Variants in MAD1L1 observed in about 807,000 individuals in gnomAD.
MAD1L1 encodes the protein mitotic arrest deficient 1 like 1, also known as mitotic spindle assembly checkpoint protein MAD1.
Under a neutral mutation model 96.9 loss-of-function variants are expected in MAD1L1, and 95 were observed. The observed-to-expected ratio is 0.98, with a 90% CI of 0.83 to 1.16. MAD1L1 has a LOEUF of 1.16. MAD1L1 is among the 50% of genes most tolerant of loss of function. MAD1L1 has a pLI of 0.00. For synonymous variants in MAD1L1, 473 were observed against 396.6 expected (o/e 1.19, Z -2.29); for missense variants, 1,007 against 954.4 (o/e 1.06, Z -0.73).
chr7:2,020,924 GA>G (rs796590173), intron 12 of MAD1L1, among the ~76,000 whole-genome samples: 2 of 150,240 alleles, frequency 1.3e-5, no homozygotes, highest in Non-Finnish European at 3.0e-5. Flanking sequence ...CATAAAAAAT[GA>G]AAAAAAACAA....
intron 10 of MAD1L1, among the ~76,000 whole-genome samples, chr7:2,172,883 G>T (rs1390631669): frequency 6.6e-6 from 1 of 152,238 alleles, no homozygotes; most frequent in Non-Finnish European, 1.5e-5. Context: ...TGGCTCCTGG[G>T]AGCGTGCACA....
intron 14 of MAD1L1, among the ~76,000 whole-genome samples, chr7:1,992,660 G>A (rs543458701): frequency 6.6e-6 from 1 of 152,330 alleles, no homozygotes; most frequent in South Asian, 2.1e-4. Context: ...GCCTCTCACT[G>A]TGGAAGTTAA....
At chr7:1,846,915 T>C (rs571212570) in intron 18 of MAD1L1, 2 of 289,412 alleles carry the variant, frequency 6.9e-6, no homozygotes, top group Admixed American at 1.0e-4. Context: ...TGCCAGCTCG[T>C]GGGGCTTGAA....
At chr7:1,863,548 C>G (rs1195335499) in intron 18 of MAD1L1, among the ~76,000 whole-genome samples, 1 of 152,246 alleles carries the variant, frequency 6.6e-6, no homozygotes, top group Non-Finnish European at 1.5e-5. Flanking sequence ...AGGCTGACCC[C>G]TGAGCAGCAC....
chr7:2,125,341 C>A (rs1788182238), intron 11 of MAD1L1, among the ~76,000 whole-genome samples: 1 of 152,148 alleles, frequency 6.6e-6, no homozygotes, highest in Non-Finnish European at 1.5e-5. Flanking sequence ...AAAGAGGACA[C>A]AAGCAGCAGC....
chr7:2,203,014 C>G (rs1474723884), intron 10 of MAD1L1, among the ~76,000 whole-genome samples: 1 of 152,234 alleles, frequency 6.6e-6, no homozygotes, highest in Non-Finnish European at 1.5e-5. Context: ...GGACTCTGAG[C>G]CAGCAATGCC....
chr7:2,023,252 G>A (rs1782862908), intron 12 of MAD1L1, among the ~76,000 whole-genome samples: 1 of 151,956 alleles, frequency 6.6e-6, no homozygotes, highest in Non-Finnish European at 1.5e-5. Flanking sequence ...AAACTCATAT[G>A]GAAAATTTAC....
intron 18 of MAD1L1, among the ~76,000 whole-genome samples, chr7:1,820,604 A>G (rs927857395): frequency 3.3e-5 from 5 of 151,908 alleles, no homozygotes; most frequent in African/African-American, 1.2e-4. Flanking sequence ...CCATCCCTAT[A>G]ATCAATCAGC....
intron 10 of MAD1L1, among the ~76,000 whole-genome samples, chr7:2,188,082 C>T (rs529001830): frequency 1.4e-4 from 21 of 152,236 alleles, no homozygotes; most frequent in South Asian, 4.1e-4. Context: ...TAATTCAGTG[C>T]GTCGATATTT....
chr7:1,816,737 G>GGACACC, intron 18 of MAD1L1, among the ~76,000 whole-genome samples: 1 of 152,172 alleles, frequency 6.6e-6, no homozygotes, highest in East Asian at 1.9e-4. Context: ...ACTGGAGAAC[G>GGACACC]GGCAAGGAGG....
At chr7:2,147,961 T>C (rs974403242) in intron 11 of MAD1L1, among the ~76,000 whole-genome samples, 1 of 152,264 alleles carries the variant, frequency 6.6e-6, no homozygotes, top group Non-Finnish European at 1.5e-5. Context: ...TAATAGTTCA[T>C]TCTGTTTCAT....
intron 18 of MAD1L1, among the ~76,000 whole-genome samples, chr7:1,882,639 G>A (rs1027687193): frequency 2.8e-4 from 42 of 152,186 alleles, no homozygotes; most frequent in African/African-American, 9.9e-4. Context: ...TGGAGCGTGA[G>A]CACCTCTGAG....
intron 12 of MAD1L1, among the ~76,000 whole-genome samples, chr7:2,025,779 G>A (rs1395053223): frequency 1.3e-5 from 2 of 152,154 alleles, no homozygotes; most frequent in Non-Finnish European, 2.9e-5. Flanking sequence ...TGTCTAGAAG[G>A]AAAAGAAGTA....
intron 18 of MAD1L1, among the ~76,000 whole-genome samples, chr7:1,821,056 G>A (rs1782097692): frequency 7.8e-6 from 1 of 128,230 alleles, no homozygotes; most frequent in Admixed American, 8.7e-5. Context: ...ACTCCAGCCT[G>A]AGCAACACAG....
chr7:1,869,311 T>C (rs1286698484), intron 18 of MAD1L1, among the ~76,000 whole-genome samples: 2 of 152,158 alleles, frequency 1.3e-5, no homozygotes, highest in African/African-American at 4.8e-5. Flanking sequence ...GAGGCCTCTC[T>C]GAGTTCCCAG....
intron 10 of MAD1L1, among the ~76,000 whole-genome samples, chr7:2,202,635 G>A (rs1034928497): frequency 3.9e-5 from 6 of 152,132 alleles, no homozygotes; most frequent in East Asian, 1.9e-4. Flanking sequence ...CTCCTCCCAT[G>A]CCCCAAAGAA....
intron 18 of MAD1L1, among the ~76,000 whole-genome samples, chr7:1,862,941 T>C (rs1784600761): frequency 6.6e-6 from 1 of 152,234 alleles, no homozygotes; most frequent in African/African-American, 2.4e-5. Flanking sequence ...CCATGGGCAC[T>C]AGACTGAGTC....
intron 18 of MAD1L1, among the ~76,000 whole-genome samples, chr7:1,885,316 G>C (rs746905965): frequency 6.6e-6 from 1 of 152,146 alleles, no homozygotes; most frequent in Non-Finnish European, 1.5e-5. Context: ...CGTCCCTCTC[G>C]CGGGTCCTTT....
In MAD1L1 at chr7:1,976,595, G is replaced by C. The variant is rs184457477; in HGVS notation, c.1505+3858C>G. Among the ~76,000 whole-genome samples, 1,372 of 152,346 alleles carry C rather than the reference G, an allele frequency of 9.0e-3. 46 individuals are homozygous for C. Among genetic ancestry groups the C allele is most frequent in the Non-Finnish European group, 4.7e-3 (320 of 68,038 alleles). On this transcript the variant is annotated intron_variant, in intron 15 of 18. Coordinates refer to ENST00000265854, the MANE Select transcript of MAD1L1 (RefSeq NM_001013836.2). ...AGAGTGAAAGAACAAAGCTCCCACAGCGTGGAAGGGGACCCCAGCGGGTTG... is the reference window on the plus strand; with the variant it reads ...AGAGTGAAAGAACAAAGCTCCCACACCGTGGAAGGGGACCCCAGCGGGTTG...
Sources: gnomAD v4.1 joint callset for allele counts (sites outside exome capture counted in the v4.1 genomes callset) on GRCh38, gnomAD v4.1.1 for gene constraint, MANE v1.5 for transcripts, NCBI Gene and HGNC (gene_info 2026-07-23, HGNC 2026-07-21) for gene names.